Variants in CCDC40 observed in about 807,000 individuals in gnomAD.
CCDC40 encodes coiled-coil domain 40 molecular ruler complex subunit.
In CCDC40, 104 loss-of-function variants were observed where a neutral mutation model predicts 124.5. The observed-to-expected ratio is 0.84, with a 90% CI of 0.71 to 0.98. The LOEUF is 0.98. CCDC40 is among the 50% of genes least tolerant of loss of function. CCDC40 has a pLI of 0.00. For missense variants in CCDC40, 1,463 were observed against 1,503.9 expected, an observed-to-expected ratio of 0.97 and a Z score of 0.45; for synonymous variants, 580 against 602.9, an observed-to-expected ratio of 0.96 and a Z score of 0.56.
chr17:80,093,000 T>C (rs1349790597), intron 17 of CCDC40, among the ~76,000 whole-genome samples: 1 of 152,196 alleles, frequency 6.6e-6, no homozygotes, highest in African/African-American at 2.4e-5. Flanking sequence ...TCAGCCCTGC[T>C]TGCTTCCTGA....
intron 4 of CCDC40, among the ~76,000 whole-genome samples, chr17:80,047,671 T>A (rs978982772): frequency 9.8e-5 from 15 of 152,330 alleles, no homozygotes; most frequent in South Asian, 6.2e-4. Flanking sequence ...ACTGGTCCGA[T>A]TAAGTGACAG....
chr17:80,063,635 C>T (rs2037959820), intron 9 of CCDC40, among the ~76,000 whole-genome samples: 1 of 152,218 alleles, frequency 6.6e-6, no homozygotes, highest in Admixed American at 6.5e-5. Context: ...TGTGACCCAG[C>T]AGTCCCACGA....
intron 18 of CCDC40, among the ~76,000 whole-genome samples, chr17:80,096,860 T>A (rs2038819096): frequency 6.6e-6 from 1 of 152,100 alleles, no homozygotes; most frequent in African/African-American, 2.4e-5. Context: ...GCCTCGCTCC[T>A]CCCTCAGCAG....
chr17:80,059,462 C>A (rs1276934060), intron 9 of CCDC40, among the ~76,000 whole-genome samples: 1 of 145,360 alleles, frequency 6.9e-6, no homozygotes, highest in Non-Finnish European at 1.5e-5. Flanking sequence ...GTAGTGGTAG[C>A]ACCAGAAACC....
intron 1 of CCDC40, 107 bp downstream of exon 1, chr17:80,036,798 ACTCCCC>A: frequency 9.7e-7 from 1 of 1,027,182 alleles, no homozygotes; most frequent in Non-Finnish European, 1.3e-6. Flanking sequence ...CTTCGCCTCC[ACTCCCC>A]CTTCCTCTCG....
chr17:80,097,647 C>T (rs1464089421), intron 19 of CCDC40: 4 of 548,302 alleles, frequency 7.3e-6, no homozygotes, highest in Non-Finnish European at 1.3e-5. Flanking sequence ...GCGAGGGTTA[C>T]AAAATAGAAC....
rs116795025 is a variant in CCDC40, at chr17:80,050,256, G to A, written c.1132G>A (p.Ala378Thr). The A allele has an allele frequency of 5.8e-4, 915 of 1,582,168 alleles. 1 individual carries two copies. The African/African-American group carries it at 0.011, about 20-fold the overall frequency. The change falls in exon 7 of 20, where the codon GCA (alanine) becomes ACA (threonine). Residue 378 changes from alanine to threonine, a missense_variant. Coordinates refer to ENST00000397545, the MANE Select transcript of CCDC40 (RefSeq NM_017950.4). ...AARALYTKTC[A>T]AANEERKKLA... ...CCGCGCTCTCTACACCAAGACCTGC[G>A]CAGCCGCCAACGAGGAGCGCAAAAA...
chr17:80,077,073 C>T (rs1256750851), intron 10 of CCDC40, among the ~76,000 whole-genome samples: 2 of 152,042 alleles, frequency 1.3e-5, no homozygotes, highest in Non-Finnish European at 2.9e-5. Flanking sequence ...TGCTATTGCA[C>T]GCTTGATAGA....
At position 80,099,642 on chromosome 17, in the gene CCDC40, G is replaced by A. The variant is rs759177015; in HGVS notation, c.3296G>A (p.Arg1099His). 4.3e-6 allele frequency: 7 copies of A among 1,613,740 alleles called. No homozygotes were observed. Among genetic ancestry groups the A allele is most frequent in the South Asian group, 1.1e-5 (1 of 91,084 alleles). The change falls in exon 20 of 20, where the codon CGC becomes CAC. Residue 1099 changes from arginine (R) to histidine (H), a missense_variant. Transcript: ENST00000397545. ...SKQSLVLERQ[R>H]LDKRLALIAT... Reference sequence around the variant, plus strand: ...CAGTCCCTAGTGCTGGAGCGCCAGCGCCTGGACAAGCGACTGGCTCTCATC... The same window carrying A: ...CAGTCCCTAGTGCTGGAGCGCCAGCACCTGGACAAGCGACTGGCTCTCATC...
chr17:80,051,628 CAAAAAAAAAAAAAAAAAAAA>C (rs200887220), intron 7 of CCDC40, among the ~76,000 whole-genome samples: 3 of 94,148 alleles, frequency 3.2e-5, no homozygotes, highest in African/African-American at 1.2e-4. Flanking sequence ...GACTCCGTCT[CAAAAAAAAAAAAAAAAAAAA>C]AAAAAAGAAA....
At chr17:80,038,619 G>T (rs1037773698) in intron 2 of CCDC40, among the ~76,000 whole-genome samples, 1 of 152,022 alleles carries the variant, frequency 6.6e-6, no homozygotes, top group Non-Finnish European at 1.5e-5. Flanking sequence ...GAGGTCAAAA[G>T]ATCGAGACTA....
chr17:80,040,089 C>T lies in CCDC40; in HGVS notation c.371C>T (p.Pro124Leu). The T allele has an allele frequency of 1.2e-6, 2 of 1,614,152 alleles. No homozygotes were observed. The highest frequency in any genetic ancestry group is 1.7e-6 in the Non-Finnish European group (2 of 1,179,994). Residue 124 changes from proline to leucine, a missense_variant, in exon 3 of 20, where the codon CCT becomes CTT. Coordinates refer to ENST00000397545, the MANE Select transcript of CCDC40 (RefSeq NM_017950.4). ...YPYFSPPQEL[P>L]GEEAYDSVSG... Reference sequence around the variant, plus strand: ...TATTTCAGTCCTCCTCAGGAACTGCCTGGAGAGGAGGCATACGATAGTGTT... The same window carrying T: ...TATTTCAGTCCTCCTCAGGAACTGCTTGGAGAGGAGGCATACGATAGTGTT...
intron 3 of CCDC40, among the ~76,000 whole-genome samples, chr17:80,043,643 A>G (rs1598479936): frequency 7.9e-6 from 1 of 126,202 alleles, no homozygotes; most frequent in South Asian, 2.5e-4. Context: ...AGTCTTGCCC[A>G]GGTAGCTGGG....
At position 80,064,734 on chromosome 17, in the gene CCDC40, G is replaced by A. The variant is rs185707806; in HGVS notation, c.1441-751G>A. The stretch of plus-strand genomic sequence containing the variant: ...CAGGTGGCCCCTCACTGCCCCCCAC[G>A]ATGCCCCTAGACTTCCAGCCTCCGC... On this transcript the variant is annotated intron_variant, in intron 9 of 19. Transcript: ENST00000397545. 5.7e-5 allele frequency among the ~76,000 whole-genome samples: 7 copies of A among 123,404 alleles called. No individual in the cohort carries two copies. The East Asian group carries it at 1.6e-3, about 28-fold the overall frequency. The allele number at this position is 123,404 out of a possible 152,430, so 81.0% of individuals were successfully genotyped here. A position where few individuals can be genotyped will look rare whatever the true frequency, so the allele number is the denominator to read the frequency against.
chr17:80,065,667 G>A (rs542645580), intron 10 of CCDC40, 61 bp downstream of exon 10: 37 of 1,601,616 alleles, frequency 2.3e-5, no homozygotes, highest in African/African-American at 1.7e-4. Context: ...TGGCAGGCCC[G>A]CCCCACACCC....
rs545728037 is a variant in CCDC40 at position 80,043,424 on chromosome 17, C to T, written c.552+3154C>T. Among the ~76,000 whole-genome samples the T allele has an allele frequency of 7.9e-5, 12 of 152,216 alleles. No individual in the cohort carries two copies. In the East Asian group the frequency reaches 1.9e-3, roughly 25 times the overall value. On this transcript the variant is annotated intron_variant, in intron 3 of 19. Coordinates refer to ENST00000397545, the MANE Select transcript of CCDC40 (RefSeq NM_017950.4). ...ATAGGGCCTGTGTGCGTGTACTGTA[C>T]GTACTTCCCCCACATTTATACATAC... is the stretch of plus-strand genomic sequence containing the variant.
At chr17:80,064,203 C>T (rs1436233178) in intron 9 of CCDC40, among the ~76,000 whole-genome samples, 2 of 152,188 alleles carry the variant, frequency 1.3e-5, no homozygotes, top group Admixed American at 6.5e-5. Flanking sequence ...GTCTCCAGGG[C>T]GATGGCCTCT....
intron 1 of CCDC40, among the ~76,000 whole-genome samples, chr17:80,037,690 G>GATATATATATAT (rs757748232): frequency 0.02 from 1,794 of 91,908 alleles, 135 homozygotes; most frequent in Middle Eastern, 0.046. Flanking sequence ...TTTTAAAAAA[G>GATATATATATAT]ATATACATAT....
intron 7 of CCDC40, among the ~76,000 whole-genome samples, chr17:80,056,715 G>A (rs866472837): frequency 1.1e-4 from 17 of 151,946 alleles, no homozygotes; most frequent in Non-Finnish European, 1.3e-4. Context: ...TTTTGAAAAG[G>A]AAGGATAATG....
Sources: gnomAD v4.1 joint callset for allele counts (sites outside exome capture counted in the v4.1 genomes callset) on GRCh38, gnomAD v4.1.1 for gene constraint, MANE v1.5 for transcripts, NCBI Gene and HGNC (gene_info 2026-07-23, HGNC 2026-07-21) for gene names.